Variants in IL1RAPL1 observed in about 807,000 individuals in gnomAD.
The protein encoded by IL1RAPL1 is interleukin 1 receptor accessory protein like 1.
IL1RAPL1 carries 3 observed loss-of-function variants against 48.4 expected under a neutral mutation model. The ratio of observed to expected loss-of-function variants is 0.06; its 90% CI spans 0.03 to 0.16. The LOEUF (loss-of-function observed/expected upper bound fraction) is 0.16. IL1RAPL1 is among the 10% of genes least tolerant of loss of function. IL1RAPL1 has a pLI of 1.00. For synonymous variants in IL1RAPL1, 185 were observed against 187.7 expected (o/e 0.99, Z 0.12); for missense variants, 349 against 530.6 (o/e 0.66, Z 3.36).
chrX:28,646,131 G>T (rs1427977029), intron 1 of IL1RAPL1, among the ~76,000 whole-genome samples: 1 of 111,988 alleles, frequency 8.9e-6, no homozygotes, highest in Admixed American at 9.4e-5. Context: ...TCCATGGACG[G>T]GGTCTGGGGG....
chrX:29,848,759 A>G (rs1931299753), intron 6 of IL1RAPL1, among the ~76,000 whole-genome samples: 1 of 111,272 alleles, frequency 9.0e-6, no homozygotes, highest in African/African-American at 3.3e-5. Context: ...ATGTGCCTCT[A>G]GTTTCCATGT....
chrX:29,884,086 C>G (rs757979186), intron 6 of IL1RAPL1, among the ~76,000 whole-genome samples: 1 of 111,526 alleles, frequency 9.0e-6, no homozygotes, highest in Non-Finnish European at 1.9e-5. Context: ...ACACATTTCT[C>G]AAAAATGCTC....
intron 3 of IL1RAPL1, among the ~76,000 whole-genome samples, chrX:29,372,664 A>G (rs1933560472): frequency 9.0e-6 from 1 of 111,066 alleles, no homozygotes; most frequent in African/African-American, 3.3e-5. Context: ...CATTTATTGA[A>G]TAGGAAGTCC....
At chrX:28,969,974 T>C (rs1388407702) in intron 2 of IL1RAPL1, among the ~76,000 whole-genome samples, 1 of 111,603 alleles carries the variant, frequency 9.0e-6, no homozygotes, top group Non-Finnish European at 1.9e-5. Flanking sequence ...AACACATATA[T>C]ATGTTTCTAA....
At chrX:29,394,463 A>T (rs1402358446) in intron 3 of IL1RAPL1, among the ~76,000 whole-genome samples, 1 of 112,336 alleles carries the variant, frequency 8.9e-6, no homozygotes, top group African/African-American at 3.2e-5. Context: ...ACTTAAACAC[A>T]GTAAGTTGTT....
intron 6 of IL1RAPL1, among the ~76,000 whole-genome samples, chrX:29,702,631 G>T (rs1286626454): frequency 1.8e-5 from 2 of 111,777 alleles, no homozygotes; most frequent in Non-Finnish European, 3.8e-5. Context: ...GTTCATTTGC[G>T]TGATCTTAGA....
At chrX:29,490,574 G>A (rs1037693874) in intron 5 of IL1RAPL1, among the ~76,000 whole-genome samples, 12 of 110,992 alleles carry the variant, frequency 1.1e-4, no homozygotes, top group Non-Finnish European at 2.1e-4. Flanking sequence ...AATGGAAGTC[G>A]CTCACCAAAT....
intron 1 of IL1RAPL1, among the ~76,000 whole-genome samples, chrX:28,755,479 C>A (rs1201916021): frequency 8.9e-6 from 1 of 112,158 alleles, no homozygotes; most frequent in Non-Finnish European, 1.9e-5. Flanking sequence ...GAGCTTCCAC[C>A]TTGGATAGTG....
At position 29,754,520 on chromosome X, in the gene IL1RAPL1, G is replaced by GT. The variant is rs1456427003; in HGVS notation, c.778+86023dup. On this transcript the variant is annotated intron_variant, in intron 6 of 10. Coordinates refer to ENST00000378993, the MANE Select transcript of IL1RAPL1 (RefSeq NM_014271.4). Reference sequence around the variant, plus strand: ...ATCTATAATCCAGCTTCCCAAGTGTGTTTTTTTAATACACAGAAACGATTA... The same window carrying GT: ...ATCTATAATCCAGCTTCCCAAGTGTGTTTTTTTTAATACACAGAAACGATTA... Among the ~76,000 whole-genome samples, 17 of 111,830 alleles carry GT rather than the reference G, an allele frequency of 1.5e-4. No individual in the cohort carries two copies. In the Admixed American group the frequency reaches 1.6e-3, roughly 11 times the overall value.
chrX:29,793,149 C>T (rs1034078452), intron 6 of IL1RAPL1, among the ~76,000 whole-genome samples: 1 of 112,371 alleles, frequency 8.9e-6, no homozygotes, highest in Non-Finnish European at 1.9e-5. Context: ...TTTCATTCCA[C>T]ATCTATTCCC....
chrX:28,880,696 A>G (rs1013416791), intron 2 of IL1RAPL1, among the ~76,000 whole-genome samples: 1 of 111,822 alleles, frequency 8.9e-6, no homozygotes, highest in Admixed American at 9.5e-5. Context: ...TATGTGTTTC[A>G]GTGGAAGAGC....
intron 2 of IL1RAPL1, among the ~76,000 whole-genome samples, chrX:28,935,381 A>T (rs1489810833): frequency 9.0e-6 from 1 of 111,538 alleles, no homozygotes; most frequent in Non-Finnish European, 1.9e-5. Flanking sequence ...TGTTGAAAAA[A>T]CTATTTTTTT....
chrX:29,027,212 T>C (rs1456694064), intron 2 of IL1RAPL1, among the ~76,000 whole-genome samples: 1 of 112,351 alleles, frequency 8.9e-6, no homozygotes, highest in Non-Finnish European at 1.9e-5. Flanking sequence ...TTCCCACTAA[T>C]TCCTGGCAAC....
At chrX:28,968,695 A>T (rs1449318123) in intron 2 of IL1RAPL1, among the ~76,000 whole-genome samples, 1 of 112,823 alleles carries the variant, frequency 8.9e-6, no homozygotes, top group African/African-American at 3.2e-5. Context: ...TCAAAATTCA[A>T]TTTTATGTGA....
At chrX:29,046,392 A>G (rs1465891762) in intron 2 of IL1RAPL1, among the ~76,000 whole-genome samples, 1 of 111,178 alleles carries the variant, frequency 9.0e-6, no homozygotes, top group Admixed American at 9.6e-5. Context: ...CTTGTGAAAC[A>G]TGGATATGAA....
intron 3 of IL1RAPL1, among the ~76,000 whole-genome samples, chrX:29,323,181 C>G (rs960917743): frequency 9.0e-6 from 1 of 111,463 alleles, no homozygotes; most frequent in African/African-American, 3.3e-5. Flanking sequence ...CTTTTCCTCT[C>G]TACTGTAGAA....
chrX:29,157,651 A>C (rs1929594993), intron 2 of IL1RAPL1, among the ~76,000 whole-genome samples: 1 of 111,022 alleles, frequency 9.0e-6, no homozygotes, highest in Admixed American at 9.7e-5. Flanking sequence ...GCAGAAATTG[A>C]TCTGAATCCT....
chrX:29,452,448 A>G (rs1286619256), intron 5 of IL1RAPL1, among the ~76,000 whole-genome samples: 1 of 111,783 alleles, frequency 8.9e-6, no homozygotes, highest in Non-Finnish European at 1.9e-5. Context: ...GCCAGGGAAT[A>G]TATTTCTCTT....
chrX:29,060,762 A>G (rs754367841), intron 2 of IL1RAPL1, among the ~76,000 whole-genome samples: 30 of 112,006 alleles, frequency 2.7e-4, no homozygotes, highest in Admixed American at 2.1e-3. Context: ...AAAATATTTC[A>G]AATACAAAGT....
Sources: gnomAD v4.1 joint callset for allele counts (sites outside exome capture counted in the v4.1 genomes callset) on GRCh38, gnomAD v4.1.1 for gene constraint, MANE v1.5 for transcripts, NCBI Gene and HGNC (gene_info 2026-07-23, HGNC 2026-07-21) for gene names.